Variants in F8 observed in about 807,000 individuals in gnomAD.
F8 encodes the protein antihemophilic factor.
In F8, 12 loss-of-function variants were observed where a neutral mutation model predicts 140.6. The ratio of observed to expected loss-of-function variants is 0.09; its 90% CI spans 0.05 to 0.14. The LOEUF (loss-of-function observed/expected upper bound fraction) is 0.14, where lower values mean the gene tolerates loss of function less well. Among genes scored for constraint, F8 ranks in the 10% least tolerant of loss-of-function variants. The pLI, the probability that F8 is intolerant of heterozygous loss-of-function variation, is 1.00. For synonymous variants in F8, 585 were observed against 614.6 expected (o/e 0.95, Z 0.71); for missense variants, 1,354 against 1,720.7 (o/e 0.79, Z 3.77).
rs1359878087 is a variant in F8 at position 154,999,681 on chromosome X, T to A, written c.144-81A>T. ...GGAAGTAATGCTTCCATACTACTCT[T>A]TTCTACTATTAGCAAGGAGGCAAAT... On this transcript the variant is annotated intron_variant, in intron 1 of 25. Transcript: ENST00000360256. 29 of 1,109,567 alleles carry A rather than the reference T, an allele frequency of 2.6e-5. No homozygotes were observed. The Admixed American group carries it at 6.5e-4, about 25-fold the overall frequency. The allele number at this position is 1,109,567 out of a possible 1,213,427, so 91.4% of individuals were successfully genotyped here.
At position 154,836,413 on chromosome X, in the gene F8, A is replaced by C. The variant is rs1557270901; in HGVS notation, c.*1184T>G. 9.0e-6 allele frequency: 1 copy of C among 111,290 alleles called. No individual in the cohort carries two copies. Among genetic ancestry groups the C allele is most frequent in the Non-Finnish European group, 1.9e-5 (1 of 53,082 alleles). 9.2% of individuals were successfully genotyped at this position (111,290 alleles called of 1,213,427 possible). ...CAATCTTATGGGGGTGGAGGGCAAG[A>C]AGGGGGATCCTATTGTGTGGTGATA... On this transcript the variant is annotated 3_prime_UTR_variant, in exon 26 of 26. Coordinates refer to ENST00000360256, the MANE Select transcript of F8 (RefSeq NM_000132.4).
intron 6 of F8, among the ~76,000 whole-genome samples, chrX:154,977,634 G>C (rs1361882960): frequency 8.5e-5 from 9 of 105,295 alleles, no homozygotes; most frequent in Admixed American, 5.2e-4. Context: ...TTCACAGTTA[G>C]TCTGATAGCG....
At chrX:154,997,798 G>T (rs2073625465) in intron 2 of F8, among the ~76,000 whole-genome samples, 1 of 111,714 alleles carries the variant, frequency 9.0e-6, no homozygotes, top group African/African-American at 3.3e-5. Context: ...AAAATAAGAA[G>T]ACTTGGAACT....
intron 25 of F8, among the ~76,000 whole-genome samples, chrX:154,851,597 C>T (rs1557272167): frequency 9.0e-6 from 1 of 110,836 alleles, no homozygotes; most frequent in Non-Finnish European, 1.9e-5. Context: ...TTAATTTAGC[C>T]ATCCTAGCAG....
At chrX:154,877,805 A>AGCATTT (rs1437379904) in intron 22 of F8, among the ~76,000 whole-genome samples, 1 of 112,212 alleles carries the variant, frequency 8.9e-6, no homozygotes, top group Non-Finnish European at 1.9e-5. Flanking sequence ...TTGCCACCCC[A>AGCATTT]GCATTAGAAA....
At chrX:154,966,869 G>C (rs1557282094) in intron 7 of F8, among the ~76,000 whole-genome samples, 182 bp from the exon 8 acceptor site, 1 of 109,666 alleles carries the variant, frequency 9.1e-6, no homozygotes, top group African/African-American at 3.3e-5. Context: ...TTACAATCAT[G>C]GGGGTAGGTG....
At chrX:154,991,034 T>C (rs1211849218) in intron 4 of F8, among the ~76,000 whole-genome samples, 2 of 112,124 alleles carry the variant, frequency 1.8e-5, no homozygotes, top group Non-Finnish European at 3.8e-5. Flanking sequence ...AGTAATGTGC[T>C]TTTCCCCCAA....
chrX:154,947,601 C>T, intron 13 of F8, 97 bp downstream of exon 13: 2 of 664,587 alleles, frequency 3.0e-6, no homozygotes, highest in Non-Finnish European at 2.5e-6. Flanking sequence ...GAAGAAAATG[C>T]TATAAATGAC....
At chrX:154,984,306 GAAGT>G (rs1163558124) in intron 6 of F8, among the ~76,000 whole-genome samples, 43 of 111,966 alleles carry the variant, frequency 3.8e-4, no homozygotes, top group Non-Finnish European at 7.5e-4. Context: ...TATGAAAATA[GAAGT>G]AAGAGCTTCC....
chrX:154,878,686 A>C (rs1194109903), intron 22 of F8, among the ~76,000 whole-genome samples: 2 of 111,806 alleles, frequency 1.8e-5, no homozygotes, highest in East Asian at 5.5e-4. Context: ...AAAAGGAATA[A>C]GTAAAGCTAT....
At chrX:154,899,283 T>C (rs2148584744) in intron 21 of F8, among the ~76,000 whole-genome samples, 1 of 112,026 alleles carries the variant, frequency 8.9e-6, no homozygotes, top group South Asian at 3.7e-4. Context: ...TATGTTTAGG[T>C]GGAGAGGCTG....
In F8 at chrX:155,022,716, C is replaced by A. The variant is rs2073766543; in HGVS notation, c.-164G>T. The A allele has an allele frequency of 3.6e-6, 4 of 1,102,937 alleles. No individual in the cohort carries two copies. Among genetic ancestry groups the A allele is most frequent in the African/African-American group, 3.7e-5 (2 of 54,524 alleles). The allele number at this position is 1,102,937 out of a possible 1,213,427, so 90.9% of individuals were successfully genotyped here. ...AACTTTACCCACTGGATGTGCTCAG[C>A]ACTAAGCAGTAACCGATAGGATTGC... On this transcript the variant is annotated 5_prime_UTR_variant, in exon 1 of 26. Transcript: ENST00000360256.
At chrX:154,901,327 A>G (rs782729312) in intron 20 of F8, 44 bp downstream of exon 20, 1 of 833,070 alleles carries the variant, frequency 1.2e-6, no homozygotes, top group African/African-American at 2.0e-5. Context: ...TTAAAAAAAG[A>G]TATAATCAGC....
chrX:154,987,180 T>C, intron 5 of F8, 57 bp downstream of exon 5: 1 of 907,958 alleles, frequency 1.1e-6, no homozygotes, highest in South Asian at 2.0e-5. Flanking sequence ...CACCTCCTCT[T>C]AATAGTAGCA....
At chrX:154,969,836 A>C (rs782269598) in intron 6 of F8, among the ~76,000 whole-genome samples, 1 of 111,520 alleles carries the variant, frequency 9.0e-6, no homozygotes, top group Non-Finnish European at 1.9e-5. Flanking sequence ...CCTCTGTGCC[A>C]ACATCTCTGT....
At chrX:154,899,798 G>T in intron 21 of F8, 68 bp downstream of exon 21, 1 of 1,001,124 alleles carries the variant, frequency 1.0e-6, no homozygotes, top group Non-Finnish European at 1.4e-6. Flanking sequence ...CTTTGAGCTT[G>T]CAAGAGGAAT....
chrX:154,993,118 C>G lies in F8; in HGVS notation c.419G>C (p.Arg140Thr). The change falls in exon 4 of 26, where the codon AGG (arginine) becomes ACG (threonine). Residue 140 changes from arginine (R) to threonine (T), a missense_variant. By Grantham distance (71) the Arg-to-Thr change is moderately conservative. This residue lies in a region of F8 where 128 missense variants were observed against 230.4 expected (regional missense o/e 0.56). Coordinates refer to ENST00000360256, the MANE Select transcript of F8 (RefSeq NM_000132.4). The stretch of plus-strand genomic sequence containing the variant: ...GAAGACTTTATCATCTTCTTTCTCC[C>G]TTTGACTGGTCTGATCATCATATTC... ...GAEYDDQTSQREKEDDKVFPG... is the reference protein window; with the variant it reads ...GAEYDDQTSQTEKEDDKVFPG... The G allele has an allele frequency of 8.3e-7, 1 of 1,211,592 alleles. No homozygotes were observed. Among genetic ancestry groups the G allele is most frequent in the Non-Finnish European group, 1.1e-6 (1 of 895,212 alleles).
chrX:154,931,395 G>T lies in F8; in HGVS notation c.2395C>A (p.Pro799Thr). 1 of 1,210,795 alleles carries T rather than the reference G, an allele frequency of 8.3e-7. No individual in the cohort carries two copies. The highest frequency in any genetic ancestry group is 1.1e-6 in the Non-Finnish European group (1 of 894,617). The change falls in exon 14 of 26, where the codon CCT becomes ACT. Residue 799 changes from proline (P) to threonine (T), a missense_variant. Physicochemically the swap from Pro to Thr is conservative, Grantham distance 38. Around this residue, in one of 4 missense-constraint regions of F8, gnomAD observed 658 missense variants for 666.5 expected, o/e 0.99. Transcript: ENST00000360256. ...DPWFAHRTPM[P>T]KIQNVSSSDL... ...CTAGAGGAGACATTTTGTATTTTAG[G>T]CATAGGTGTTCTGTGTGCAAACCAA...
At chrX:154,972,703 C>CTTTTTTTTTTTTT (rs1557282690) in intron 6 of F8, among the ~76,000 whole-genome samples, 1 of 64,690 alleles carries the variant, frequency 1.5e-5, no homozygotes, top group African/African-American at 6.9e-5. Context: ...TTCTTTCTGT[C>CTTTTTTTTTTTTT]TTTCTTTTTT....
Sources: gnomAD v4.1 joint callset for allele counts (sites outside exome capture counted in the v4.1 genomes callset) on GRCh38, gnomAD v4.1.1 for gene constraint, gnomAD v4.1.1 regional missense constraint, MANE v1.5 for transcripts, NCBI Gene and HGNC (gene_info 2026-07-23, HGNC 2026-07-21) for gene names.